The following DBT variants were observed in gnomAD, a reference collection of about 807,000 sequenced individuals.
DBT encodes the protein dihydrolipoamide branched chain transacylase E2, also known as lipoamide acyltransferase component of branched-chain alpha-keto acid dehydrogenase complex, mitochondrial.
In DBT, 40 loss-of-function variants were observed where a neutral mutation model predicts 51.3. That is an observed-to-expected ratio of 0.78 (90% CI 0.61 to 1.02). DBT has a LOEUF of 1.02. Among genes scored for constraint, DBT ranks in the 50% least tolerant of loss-of-function variants. The pLI is 0.00. For missense variants in DBT, 510 were observed against 580.2 expected (o/e 0.88, Z 1.24); for synonymous variants, 181 against 190.4 (o/e 0.95, Z 0.41).
intron 3 of DBT, among the ~76,000 whole-genome samples, chr1:100,233,429 C>G (rs1191237870): frequency 6.6e-6 from 1 of 152,166 alleles, no homozygotes; most frequent in Non-Finnish European, 1.5e-5. Flanking sequence ...AATTATGCTT[C>G]CTTACATATT....
Position 100,235,497 on chromosome 1 carries a change from C to T in DBT, c.190G>A (p.Val64Ile). ...ATGTCTGAGAGCTTGAACTGAACAACCTGTCCACGGAGAGCTTCAAAGACA... is the reference window on the plus strand; with the variant it reads ...ATGTCTGAGAGCTTGAACTGAACAATCTGTCCACGGAGAGCTTCAAAGACA... ...LKTTAALRGQ[V>I]VQFKLSDIGE... The change falls in exon 3 of 11, where the codon GTT becomes ATT. Residue 64 changes from valine to isoleucine, a missense_variant. Coordinates refer to ENST00000370132, the MANE Select transcript of DBT (RefSeq NM_001918.5). 6.3e-7 allele frequency: 1 copy of T among 1,586,250 alleles called. No individual in the cohort carries two copies. Among genetic ancestry groups the T allele is most frequent in the Non-Finnish European group, 8.7e-7 (1 of 1,155,910 alleles).
chr1:100,249,798 C>T lies in DBT; in HGVS notation c.23G>A (p.Arg8Lys). MAAVRML[R>K]TWSRNAGKLI... The stretch of plus-strand genomic sequence containing the variant: ...CTTCCCCGCATTCCTGCTCCAGGTT[C>T]TCAGCATACGGACTGCAGCCATCTT... The change falls in exon 1 of 11, where the codon AGA becomes AAA. Residue 8 changes from arginine to lysine, a missense_variant. By Grantham distance (26) the Arg-to-Lys change is conservative. Transcript: ENST00000370132. 1 of 1,614,234 alleles carries T rather than the reference C, an allele frequency of 6.2e-7. No individual in the cohort carries two copies. The highest frequency in any genetic ancestry group is 8.5e-7 in the Non-Finnish European group (1 of 1,180,028).
intron 2 of DBT, among the ~76,000 whole-genome samples, chr1:100,238,367 A>ACGTCCCTTCCAGTCC (rs1664017728): frequency 2.1e-5 from 2 of 97,360 alleles, no homozygotes; most frequent in Non-Finnish European, 3.8e-5. Context: ...CTGTCTCATC[A>ACGTCCCTTCCAGTCC]CGTCCCTTCC....
rs769175588 is a variant in DBT at position 100,216,053 on chromosome 1, G to A, written c.702C>T (p.Asp234=). 2 of 1,613,684 alleles carry A rather than the reference G, an allele frequency of 1.2e-6. No homozygotes were observed. Among genetic ancestry groups the A allele is most frequent in the African/African-American group, 1.3e-5 (1 of 75,026 alleles). The change falls in exon 6 of 11, where the codon GAC becomes GAT. Residue 234 remains aspartate, a synonymous_variant. Coordinates refer to ENST00000370132, the MANE Select transcript of DBT (RefSeq NM_001918.5). ...EIMPPPPKPK[D]MTVPILVSKP... is the part of the protein sequence containing the mutation. ...TTGATACTAGTATAGGAACAGTCATGTCTTTTGGCTTTGGTGGAGGTGGCA... is the reference window on the plus strand; with the variant it reads ...TTGATACTAGTATAGGAACAGTCATATCTTTTGGCTTTGGTGGAGGTGGCA...
rs572137685 is a variant in DBT at position 100,233,220 on chromosome 1, A to G, written c.251+2216T>C. ...AAAAAAAGGAAAAAAAAAGAAAGCA[A>G]GCAAGCTAGAGTGGCTATACTATCA... On this transcript the variant is annotated intron_variant, in intron 3 of 10. Transcript: ENST00000370132. Among the ~76,000 whole-genome samples the G allele has an allele frequency of 2.6e-5, 4 of 152,322 alleles. No individual in the cohort carries two copies. The South Asian group carries it at 8.3e-4, about 32-fold the overall frequency.
intron 3 of DBT, among the ~76,000 whole-genome samples, chr1:100,234,473 C>CA (rs554699734): frequency 0.082 from 9,814 of 119,914 alleles, 475 homozygotes; most frequent in African/African-American, 0.16. Context: ...TCATCTCTAC[C>CA]AAAAAAAAAA....
At chr1:100,242,798 C>T (rs1380228709) in intron 1 of DBT, among the ~76,000 whole-genome samples, 2 of 152,118 alleles carry the variant, frequency 1.3e-5, no homozygotes, top group African/African-American at 4.8e-5. Flanking sequence ...TATATAGATT[C>T]ACCTTAATTT....
Position 100,235,458 on chromosome 1 carries a change from T to C in DBT, c.229A>G (p.Arg77Gly). 6.3e-7 allele frequency: 1 copy of C among 1,581,546 alleles called. No individual in the cohort carries two copies. The highest frequency in any genetic ancestry group is 8.7e-7 in the Non-Finnish European group (1 of 1,151,796). The change falls in exon 3 of 11, where the codon AGA becomes GGA. Residue 77 changes from arginine to glycine, a missense_variant. Arg to Gly is a moderately radical substitution (Grantham distance 125). Coordinates refer to ENST00000370132, the MANE Select transcript of DBT (RefSeq NM_001918.5). ...FKLSDIGEGI[R>G]EVTVKEWYVK... Reference sequence around the variant, plus strand: ...TACCATTCTTTAACAGTTACTTCTCTAATCCCTTCTCCAATGTCTGAGAGC... The same window carrying C: ...TACCATTCTTTAACAGTTACTTCTCCAATCCCTTCTCCAATGTCTGAGAGC...
Position 100,237,036 on chromosome 1 carries a change from C to T in DBT, c.176-1525G>A, listed in dbSNP as rs187348396. On this transcript the variant is annotated intron_variant, in intron 2 of 10. Transcript: ENST00000370132. The stretch of plus-strand genomic sequence containing the variant: ...TCCCATCAGGAGGCCGAGTCTATTT[C>T]ACCAGTTCTTAAATCTGTGCTGGGC... Among the ~76,000 whole-genome samples, 84 of 152,324 alleles carry T rather than the reference C, an allele frequency of 5.5e-4. 2 individuals are homozygous for T. In the East Asian group the frequency reaches 9.6e-3, roughly 17 times the overall value.
chr1:100,225,042 A>AAATATATGTAT lies in DBT; in HGVS notation c.433+5690_433+5691insATACATATATT, dbSNP rs59482100. Among the ~76,000 whole-genome samples, 10 of 45,630 alleles carry AAATATATGTAT rather than the reference A, an allele frequency of 2.2e-4. 3 individuals carry two copies. Among genetic ancestry groups the AAATATATGTAT allele is most frequent in the Non-Finnish European group, 4.3e-4 (9 of 21,082 alleles). 29.9% of individuals were successfully genotyped at this position (45,630 alleles called of 152,430 possible). On this transcript the variant is annotated intron_variant, in intron 4 of 10. Transcript: ENST00000370132. ...CCCCCCAAAAAAAAAAAAAAAAAAA[A>AAATATATGTAT]ATATATATATACACACACACACACA...
At chr1:100,225,756 C>T (rs1370639700) in intron 4 of DBT, among the ~76,000 whole-genome samples, 2 of 136,302 alleles carry the variant, frequency 1.5e-5, no homozygotes, top group East Asian at 2.3e-4. Flanking sequence ...ACCCAGGAGG[C>T]GGAGGTTGCA....
chr1:100,222,286 T>G (rs1389788292), intron 4 of DBT, among the ~76,000 whole-genome samples: 3 of 152,230 alleles, frequency 2.0e-5, no homozygotes, highest in Non-Finnish European at 4.4e-5. Flanking sequence ...TTAAAACATT[T>G]TATACTAATC....
At chr1:100,197,212 TCTC>T (rs2100763260) in intron 10 of DBT, among the ~76,000 whole-genome samples, 1 of 152,324 alleles carries the variant, frequency 6.6e-6, no homozygotes, top group Admixed American at 6.5e-5. Flanking sequence ...TCTATACTGA[TCTC>T]CTCATGGCTG....
rs542461286 is a variant in DBT, at chr1:100,231,055, C to T, written c.252-141G>A. The T allele has an allele frequency of 6.5e-6, 4 of 618,808 alleles. No homozygotes were observed. The South Asian group carries it at 7.9e-5, about 12-fold the overall frequency. 38.3% of individuals were successfully genotyped at this position (618,808 alleles called of 1,614,324 possible). On this transcript the variant is annotated intron_variant, in intron 3 of 10. Coordinates refer to ENST00000370132, the MANE Select transcript of DBT (RefSeq NM_001918.5). ...TCAGATGGTGTACTAAGCAATGTTT[C>T]AGAGATGACTATAATGACTTTCAGA...
chr1:100,230,642 C>CA, intron 4 of DBT, 91 bp downstream of exon 4: 5 of 591,532 alleles, frequency 8.5e-6, no homozygotes, highest in South Asian at 2.9e-5. Flanking sequence ...AAAAAAAAAA[C>CA]AAAAAAACAA....
rs12565098 is a variant in DBT, at chr1:100,225,049, A to T, written c.433+5684T>A. Among the ~76,000 whole-genome samples the T allele has an allele frequency of 5.5e-4, 46 of 84,154 alleles. 2 individuals are homozygous for T. Among genetic ancestry groups the T allele is most frequent in the South Asian group, 2.4e-3 (6 of 2,524 alleles). The allele number at this position is 84,154 out of a possible 152,430, so 55.2% of individuals were successfully genotyped here. ...AAAAAAAAAAAAAAAAAAAATATAT[A>T]TATACACACACACACACACACACAC... On this transcript the variant is annotated intron_variant, in intron 4 of 10. Coordinates refer to ENST00000370132, the MANE Select transcript of DBT (RefSeq NM_001918.5).
chr1:100,244,063 CAAAAA>C (rs1162401280), intron 1 of DBT, among the ~76,000 whole-genome samples: 1 of 79,040 alleles, frequency 1.3e-5, no homozygotes, highest in Non-Finnish European at 2.4e-5. Context: ...AATTCTATCT[CAAAAA>C]AAAAAAAAAA....
chr1:100,200,256 CGGTCT>C (rs1661359295), intron 10 of DBT, among the ~76,000 whole-genome samples: 1 of 152,138 alleles, frequency 6.6e-6, no homozygotes, highest in Non-Finnish European at 1.5e-5. Flanking sequence ...CTTGAGTAGG[CGGTCT>C]TCCCCTCACA....
At chr1:100,209,197 C>G (rs1485075161) in intron 8 of DBT, among the ~76,000 whole-genome samples, 1 of 150,408 alleles carries the variant, frequency 6.6e-6, no homozygotes, top group East Asian at 2.0e-4. Context: ...TCCCAGGTAT[C>G]ATATGATTCT....
Sources: allele counts gnomAD v4.1 joint callset (sites outside exome capture counted in the v4.1 genomes callset), GRCh38; gene constraint gnomAD v4.1.1; transcripts MANE v1.5; gene names NCBI Gene and HGNC (gene_info 2026-07-23, HGNC 2026-07-21).